MPHOSPH9: variants seen among roughly 807,000 people sequenced by gnomAD.
MPHOSPH9 encodes M-phase phosphoprotein 9.
A neutral mutation model predicts 145.5 loss-of-function variants in MPHOSPH9; 88 were observed. The ratio of observed to expected loss-of-function variants is 0.60; its 90% CI spans 0.51 to 0.72. The LOEUF (loss-of-function observed/expected upper bound fraction) is 0.72, where lower values mean the gene tolerates loss of function less well. MPHOSPH9 is among the 30% of genes least tolerant of loss of function. The pLI is 0.00. For synonymous variants in MPHOSPH9, 435 were observed against 486.2 expected, an observed-to-expected ratio of 0.89 and a Z score of 1.39; for missense variants, 1,238 against 1,386.6, an observed-to-expected ratio of 0.89 and a Z score of 1.70.
intron 7 of MPHOSPH9, among the ~76,000 whole-genome samples, chr12:123,211,786 C>T (rs2046735026): frequency 2.0e-5 from 3 of 149,674 alleles, no homozygotes; most frequent in African/African-American, 4.9e-5. Context: ...CCTGACCTCC[C>T]GAGCTCAAGC....
intron 8 of MPHOSPH9, among the ~76,000 whole-genome samples, chr12:123,206,013 CG>C (rs1458585798): frequency 1.3e-5 from 2 of 152,112 alleles, no homozygotes; most frequent in East Asian, 3.9e-4. Flanking sequence ...GAGTCCAAAG[CG>C]GGCTAGTCCT....
chr12:123,210,704 TAAA>T (rs1435285606), intron 7 of MPHOSPH9, among the ~76,000 whole-genome samples: 2 of 151,480 alleles, frequency 1.3e-5, no homozygotes, highest in African/African-American at 2.4e-5. Context: ...AAAAAAAAAT[TAAA>T]ATAATAATAA....
downstream of MPHOSPH9, chr12:123,152,326 C>T: frequency 3.3e-6 from 1 of 300,164 alleles, no homozygotes; most frequent in South Asian, 2.7e-5. Flanking sequence ...CACGCCAGTT[C>T]ACAGCCACAA....
chr12:123,200,893 T>C (rs1485959540), intron 11 of MPHOSPH9, among the ~76,000 whole-genome samples: 1 of 151,964 alleles, frequency 6.6e-6, no homozygotes, highest in Non-Finnish European at 1.5e-5. Context: ...TCCTAACCTC[T>C]AGTGATCTGC....
chr12:123,210,992 T>C lies in MPHOSPH9; in HGVS notation c.1088-830A>G, dbSNP rs1178677117. 4.3e-5 allele frequency among the ~76,000 whole-genome samples: 6 copies of C among 139,400 alleles called. 1 individual carries two copies. Among genetic ancestry groups the C allele is most frequent in the Admixed American group, 1.4e-4 (2 of 14,142 alleles). The allele number at this position is 139,400 out of a possible 152,430, so 91.5% of individuals were successfully genotyped here. ...TTTGTTTTTTCTTTTTTTTTTTTTT[T>C]TTTTTTTTTTGAGACAGAGTCTCAC... On this transcript the variant is annotated intron_variant, in intron 7 of 23. Transcript: ENST00000606320.
intron 1 of MPHOSPH9, among the ~76,000 whole-genome samples, chr12:123,231,034 G>T (rs1346324883): frequency 2.0e-5 from 3 of 152,158 alleles, no homozygotes; most frequent in African/African-American, 7.2e-5. Context: ...GTAAAAGACT[G>T]AATTTTATGG....
At chr12:123,221,300 T>G (rs2047191512) in intron 5 of MPHOSPH9, 72 bp downstream of exon 5, 4 of 1,177,740 alleles carry the variant, frequency 3.4e-6, no homozygotes, top group Middle Eastern at 2.7e-4. Context: ...CTCATTCTAT[T>G]ATAGTGCATT....
At position 123,163,964 on chromosome 12, in the gene MPHOSPH9, T is replaced by A; in HGVS notation, c.2894A>T (p.Lys965Ile). ...RSSSLPPSNR[K>I]SSTPTKREIM... Reference sequence around the variant, plus strand: ...CTAACTCTTACTTGGAGTACTTGATTTACGATTTGAAGGTGGTAAAGATGA... The same window carrying A: ...CTAACTCTTACTTGGAGTACTTGATATACGATTTGAAGGTGGTAAAGATGA... Residue 965 changes from lysine (K) to isoleucine (I), a missense_variant, in exon 19 of 24, where the codon AAA (lysine) becomes ATA (isoleucine). Lys to Ile is a moderately radical substitution (Grantham distance 102). Around this residue, in one of 3 missense-constraint regions of MPHOSPH9, gnomAD observed 393 missense variants for 462.5 expected, o/e 0.85. Transcript: ENST00000606320. The A allele has an allele frequency of 6.2e-7, 1 of 1,614,078 alleles. No homozygotes were observed. The highest frequency in any genetic ancestry group is 8.5e-7 in the Non-Finnish European group (1 of 1,180,004).
chr12:123,153,764 C>CAAAAAAAAAAAAAAAA (rs57564688), downstream of MPHOSPH9, among the ~76,000 whole-genome samples: 1 of 109,350 alleles, frequency 9.1e-6, no homozygotes, highest in Non-Finnish European at 1.7e-5. Context: ...GACTCCATCT[C>CAAAAAAAAAAAAAAAA]AAAAAAAAAA....
intron 11 of MPHOSPH9, among the ~76,000 whole-genome samples, chr12:123,198,915 C>CTA (rs2046095865): frequency 2.1e-5 from 3 of 145,718 alleles, no homozygotes; most frequent in South Asian, 2.3e-4. Context: ...AAATCTGTAT[C>CTA]TATATATATG....
At chr12:123,214,879 C>T (rs377606318) in intron 6 of MPHOSPH9, 45 bp from the exon 7 acceptor site, 370 of 1,472,448 alleles carry the variant, frequency 2.5e-4, no homozygotes, top group Non-Finnish European at 3.2e-4. Context: ...AGTCATTAGG[C>T]ACAATCTGCT....
At position 123,198,244 on chromosome 12, in the gene MPHOSPH9, T is replaced by C. The variant is rs747921355; in HGVS notation, c.2025+3A>G. 4 of 1,605,008 alleles carry C rather than the reference T, an allele frequency of 2.5e-6. No individual in the cohort carries two copies. Among genetic ancestry groups the C allele is most frequent in the Non-Finnish European group, 3.4e-6 (4 of 1,174,078 alleles). On this transcript the variant is annotated splice_donor_region_variant and intron_variant, in intron 12 of 23. Transcript: ENST00000606320. ...GAACACCCACCAAAAAAAGAGTACT[T>C]ACCACTTCAATTTCCAGTAAGTTAT...
At chr12:123,215,864 C>G (rs2046930362) in intron 6 of MPHOSPH9, among the ~76,000 whole-genome samples, 1 of 152,198 alleles carries the variant, frequency 6.6e-6, no homozygotes, top group Non-Finnish European at 1.5e-5. Context: ...GGAATTAACA[C>G]ATGAGCCTTA....
At chr12:123,208,693 A>G (rs997017023) in intron 8 of MPHOSPH9, among the ~76,000 whole-genome samples, 6 of 152,098 alleles carry the variant, frequency 3.9e-5, no homozygotes, top group Non-Finnish European at 7.4e-5. Flanking sequence ...CCTACTACAT[A>G]TGAAATAGTA....
intron 1 of MPHOSPH9, among the ~76,000 whole-genome samples, chr12:123,231,746 A>G (rs1349091575): frequency 6.6e-6 from 1 of 151,584 alleles, no homozygotes; most frequent in Non-Finnish European, 1.5e-5. Flanking sequence ...GCCAACTAAA[A>G]TTTCAGTGAA....
chr12:123,152,523 G>C (rs552314514), downstream of MPHOSPH9: 1 of 455,220 alleles, frequency 2.2e-6, no homozygotes, highest in Non-Finnish European at 4.4e-6. Context: ...GAAATTGTTA[G>C]ATGTAAAAAT....
In MPHOSPH9 at chr12:123,156,799, T is replaced by C. The variant is rs770255463; in HGVS notation, c.*8A>G. 1.2e-6 allele frequency: 2 copies of C among 1,607,788 alleles called. No homozygotes were observed. The highest frequency in any genetic ancestry group is 2.2e-5 in the South Asian group (2 of 90,496). On this transcript the variant is annotated 3_prime_UTR_variant, in exon 24 of 24. Transcript: ENST00000606320. ...CAAAAATGTCTCAAAATTTAATGGC[T>C]ACAAATCTCAAAGATTTGCAGAGGT...
At chr12:123,187,835 G>T (rs2045513777) in intron 13 of MPHOSPH9, among the ~76,000 whole-genome samples, 1 of 152,190 alleles carries the variant, frequency 6.6e-6, no homozygotes, top group Admixed American at 6.5e-5. Context: ...TACGTAAGAG[G>T]TAATTCTGGG....
chr12:123,159,662 C>T lies in MPHOSPH9; in HGVS notation c.3450+1119G>A, dbSNP rs1444693450. 3 of 152,056 alleles carry T rather than the reference C, an allele frequency of 2.0e-5. No homozygotes were observed. The highest frequency in any genetic ancestry group is 7.2e-5 in the African/African-American group (3 of 41,392). 9.4% of individuals were successfully genotyped at this position (152,056 alleles called of 1,614,324 possible). On this transcript the variant is annotated intron_variant, in intron 23 of 23. Coordinates refer to ENST00000606320, the MANE Select transcript of MPHOSPH9 (RefSeq NM_022782.4). This position sits in a 1 kb window ranked among gnomAD's most constrained non-coding sequence, Gnocchi z 4.3. ...CTAGCATTTTTATTTCTGGGAATGA[C>T]TCCTAAGGCAATACTTACACGTGCA...
Sources: allele counts gnomAD v4.1 joint callset (sites outside exome capture counted in the v4.1 genomes callset), GRCh38; gene constraint gnomAD v4.1.1; regional missense constraint gnomAD v4.1.1; non-coding constraint Gnocchi (gnomAD v3.1); transcripts MANE v1.5; gene names NCBI Gene and HGNC (gene_info 2026-07-23, HGNC 2026-07-21).